Variants in NEK10 observed in about 807,000 individuals in gnomAD.
NEK10 encodes the protein NIMA related kinase 10, also known as serine/threonine-protein kinase Nek10.
In NEK10, 122 loss-of-function variants were observed where a neutral mutation model predicts 159.8. The observed-to-expected ratio is 0.76, with a 90% CI of 0.66 to 0.89. The LOEUF (loss-of-function observed/expected upper bound fraction) is 0.89, where lower values mean the gene tolerates loss of function less well. NEK10 is among the 40% of genes least tolerant of loss of function. The pLI, the probability that NEK10 is intolerant of heterozygous loss-of-function variation, is 0.00. For missense variants in NEK10, 1,342 were observed against 1,323.1 expected (o/e 1.01, Z -0.22); for synonymous variants, 466 against 457.1 (o/e 1.02, Z -0.25).
chr3:27,121,505 G>T (rs1239414020), intron 32 of NEK10, among the ~76,000 whole-genome samples: 1 of 152,158 alleles, frequency 6.6e-6, no homozygotes, highest in African/African-American at 2.4e-5. Flanking sequence ...TCGTGATAGT[G>T]AAAAAGTCTC....
intron 22 of NEK10, among the ~76,000 whole-genome samples, chr3:27,278,104 C>A (rs1412509897): frequency 6.6e-6 from 1 of 152,162 alleles, no homozygotes; most frequent in East Asian, 1.9e-4. Flanking sequence ...AATATAAAAA[C>A]CAGTCTTAAC....
At chr3:27,184,455 A>T (rs1465814685) in intron 26 of NEK10, among the ~76,000 whole-genome samples, 1 of 152,232 alleles carries the variant, frequency 6.6e-6, no homozygotes, top group Non-Finnish European at 1.5e-5. Flanking sequence ...CTGAGGTGAG[A>T]TAAATGTTCT....
intron 23 of NEK10, among the ~76,000 whole-genome samples, chr3:27,233,426 G>A (rs111711949): frequency 0.026 from 3,932 of 151,966 alleles, 169 homozygotes; most frequent in African/African-American, 0.09. Context: ...TGGATGTGGT[G>A]AAAAAGGAAC....
intron 23 of NEK10, among the ~76,000 whole-genome samples, chr3:27,220,805 C>A (rs1952018284): frequency 6.6e-6 from 1 of 152,134 alleles, no homozygotes; most frequent in Non-Finnish European, 1.5e-5. Flanking sequence ...CTGTGTGAGA[C>A]TGGCATAAGG....
chr3:27,368,644 G>C (rs2049282689), intron 1 of NEK10, among the ~76,000 whole-genome samples: 3 of 152,138 alleles, frequency 2.0e-5, no homozygotes, highest in African/African-American at 7.2e-5. Context: ...AGCAGACATG[G>C]GGAAGATGGC....
At chr3:27,295,482 G>C (rs951462949) in intron 15 of NEK10, 131 bp downstream of exon 15, 1 of 1,064,624 alleles carries the variant, frequency 9.4e-7, no homozygotes, top group Non-Finnish European at 1.2e-6. Flanking sequence ...TTCCTTGCCA[G>C]ATATTTTTCC....
chr3:27,330,352 T>C (rs1388785), intron 5 of NEK10, among the ~76,000 whole-genome samples: 103,423 of 152,072 alleles, frequency 0.68, 36,519 homozygotes, highest in East Asian at 0.87. Context: ...TGTGAAGCTT[T>C]GAGTAAAAGA....
chr3:27,178,991 C>T (rs746748504), intron 26 of NEK10, among the ~76,000 whole-genome samples: 13 of 152,166 alleles, frequency 8.5e-5, no homozygotes, highest in Non-Finnish European at 1.6e-4. Context: ...TGTTCTTGAA[C>T]CTCCGGGTTT....
At position 27,262,344 on chromosome 3, in the gene NEK10, C is replaced by T. The variant is rs1248744652; in HGVS notation, c.2015-5973G>A. Among the ~76,000 whole-genome samples, 5 of 151,992 alleles carry T rather than the reference C, an allele frequency of 3.3e-5. No individual in the cohort carries two copies. The South Asian group carries it at 6.2e-4, about 19-fold the overall frequency. ...CTCTTCTCAAGGAGTATCTTTGTGG[C>T]GTTCTCTGTATTTCCTGAATTTAAA... On this transcript the variant is annotated intron_variant, in intron 22 of 35. Transcript: ENST00000691995.
chr3:27,154,353 C>T (rs1945193158), intron 30 of NEK10, among the ~76,000 whole-genome samples: 1 of 152,120 alleles, frequency 6.6e-6, no homozygotes, highest in African/African-American at 2.4e-5. Flanking sequence ...GGATTCACAG[C>T]AGAATTCTAC....
At chr3:27,321,638 T>C (rs1423672284) in intron 6 of NEK10, among the ~76,000 whole-genome samples, 1 of 152,184 alleles carries the variant, frequency 6.6e-6, no homozygotes, top group Non-Finnish European at 1.5e-5. Context: ...TGAGCCACCA[T>C]GCCCAACCAG....
At chr3:27,198,084 G>A (rs1353798263) in intron 25 of NEK10, among the ~76,000 whole-genome samples, 2 of 152,136 alleles carry the variant, frequency 1.3e-5, no homozygotes, top group Admixed American at 1.3e-4. Context: ...CAGTAAAAGA[G>A]CTTTACAGAG....
intron 24 of NEK10, 134 bp from the exon 25 acceptor site, chr3:27,201,714 C>G: frequency 1.6e-6 from 1 of 631,592 alleles, no homozygotes; most frequent in Non-Finnish European, 2.8e-6. Context: ...TCAGAAATCC[C>G]GACCAAATAA....
chr3:27,271,370 G>GA (rs113020057), intron 22 of NEK10, among the ~76,000 whole-genome samples: 263 of 149,568 alleles, frequency 1.8e-3, no homozygotes, highest in African/African-American at 5.6e-3. Context: ...TCACTATACA[G>GA]AAAAAAAAAA....
At chr3:27,347,562 T>C (rs889477431) in intron 3 of NEK10, among the ~76,000 whole-genome samples, 5 of 149,966 alleles carry the variant, frequency 3.3e-5, no homozygotes, top group African/African-American at 9.9e-5. Flanking sequence ...AGAATATGCC[T>C]GACTTTTTAT....
chr3:27,315,253 G>A (rs1325100225), intron 6 of NEK10, among the ~76,000 whole-genome samples: 2 of 152,140 alleles, frequency 1.3e-5, no homozygotes, highest in Admixed American at 6.6e-5. Flanking sequence ...GCACAGGGAC[G>A]AGTACATGAG....
intron 26 of NEK10, among the ~76,000 whole-genome samples, chr3:27,177,237 T>G (rs1947592969): frequency 6.6e-6 from 1 of 151,978 alleles, no homozygotes; most frequent in Admixed American, 6.6e-5. Context: ...AGATGGATAG[T>G]TTGGGTTTAA....
intron 28 of NEK10, among the ~76,000 whole-genome samples, chr3:27,173,871 AC>A (rs1430647152): frequency 6.6e-6 from 1 of 152,010 alleles, no homozygotes; most frequent in Non-Finnish European, 1.5e-5. Context: ...ATCTAAATAT[AC>A]CTTTTCCTTT....
chr3:27,280,424 C>G (rs2042074476), intron 22 of NEK10, among the ~76,000 whole-genome samples: 1 of 152,090 alleles, frequency 6.6e-6, no homozygotes. Context: ...GCCAGTAAAT[C>G]AAGCACCCTC....
Sources: allele counts gnomAD v4.1 joint callset (sites outside exome capture counted in the v4.1 genomes callset), GRCh38; gene constraint gnomAD v4.1.1; transcripts MANE v1.5; gene names NCBI Gene and HGNC (gene_info 2026-07-23, HGNC 2026-07-21).